KDM3B: variants seen among roughly 807,000 people sequenced by gnomAD.
KDM3B encodes the protein lysine demethylase 3B, also known as lysine-specific demethylase 3B.
A neutral mutation model predicts 170.0 loss-of-function variants in KDM3B; 10 were observed. The ratio of observed to expected loss-of-function variants is 0.06; its 90% confidence interval spans 0.04 to 0.10. KDM3B has a LOEUF of 0.10. Among genes scored for constraint, KDM3B ranks in the 10% least tolerant of loss-of-function variants. The pLI is 1.00. For synonymous variants in KDM3B, 831 were observed against 834.8 expected (o/e 1.00, Z 0.08); for missense variants, 1,394 against 2,195.2 (o/e 0.64, Z 7.29).
chr5:138,379,796 T>C, intron 5 of KDM3B, 88 bp downstream of exon 5: 4 of 1,316,550 alleles, frequency 3.0e-6, no homozygotes, highest in East Asian at 2.5e-5. Context: ...ATGTGTAAGA[T>C]GACTTGGGTT....
chr5:138,431,781 C>T (rs550412993), intron 23 of KDM3B, among the ~76,000 whole-genome samples: 14 of 151,754 alleles, frequency 9.2e-5, no homozygotes, highest in African/African-American at 2.7e-4. Context: ...GGCATGATGG[C>T]GCATGCCTGT....
At chr5:138,373,989 CTTTTGTT>C (rs1451255278) in intron 2 of KDM3B, among the ~76,000 whole-genome samples, 3 of 151,716 alleles carry the variant, frequency 2.0e-5, no homozygotes, top group Non-Finnish European at 4.4e-5. Flanking sequence ...TTCTTTTTGT[CTTTTGTT>C]TTTTGTTTTT....
rs777571571 is a variant in KDM3B, at chr5:138,431,594, C to G, written c.5205+35C>G. 6 of 1,553,604 alleles carry G rather than the reference C, an allele frequency of 3.9e-6. No homozygotes were observed. In the South Asian group the frequency reaches 6.1e-5, roughly 16 times the overall value. On this transcript the variant is annotated intron_variant, in intron 23 of 23. Coordinates refer to ENST00000314358, the MANE Select transcript of KDM3B (RefSeq NM_016604.4). ...TCCTCCCTCTACCCCACTCTGTCTTCTCATTGCATACTCACATACATTACG... is the reference window on the plus strand; with the variant it reads ...TCCTCCCTCTACCCCACTCTGTCTTGTCATTGCATACTCACATACATTACG...
chr5:138,408,939 A>C (rs1434195256), intron 11 of KDM3B, among the ~76,000 whole-genome samples: 1 of 152,212 alleles, frequency 6.6e-6, no homozygotes, highest in East Asian at 1.9e-4. Flanking sequence ...GCCATAATAC[A>C]TAAACAGATA....
chr5:138,421,175 C>T (rs903954968), intron 15 of KDM3B, among the ~76,000 whole-genome samples: 8 of 152,166 alleles, frequency 5.3e-5, no homozygotes, highest in African/African-American at 9.6e-5. Flanking sequence ...TGAAATGTTT[C>T]GGTCATCAGC....
At chr5:138,386,857 CCTAATTTAAAGA>C (rs1762276752) in intron 7 of KDM3B, among the ~76,000 whole-genome samples, 1 of 152,130 alleles carries the variant, frequency 6.6e-6, no homozygotes, top group Non-Finnish European at 1.5e-5. Flanking sequence ...GATGATACAA[CCTAATTTAAAGA>C]CATGTTAAAG....
chr5:138,390,020 C>T (rs533836470), intron 7 of KDM3B, among the ~76,000 whole-genome samples: 111 of 151,966 alleles, frequency 7.3e-4, no homozygotes, highest in Non-Finnish European at 1.3e-3. Context: ...CCACCATGCC[C>T]GGCTCATTTT....
chr5:138,356,032 G>A (rs757202539), intron 1 of KDM3B, among the ~76,000 whole-genome samples: 7 of 151,886 alleles, frequency 4.6e-5, no homozygotes, highest in Non-Finnish European at 8.8e-5. Context: ...GTATACCATG[G>A]GGATCAATAC....
At chr5:138,412,432 T>C (rs537504818) in intron 11 of KDM3B, among the ~76,000 whole-genome samples, 1 of 151,992 alleles carries the variant, frequency 6.6e-6, no homozygotes, top group South Asian at 2.1e-4. Flanking sequence ...GGCAGTGGGA[T>C]TGCTTGAGCC....
At chr5:138,429,138 G>A (rs1157806214) in intron 20 of KDM3B, among the ~76,000 whole-genome samples, 5 of 150,884 alleles carry the variant, frequency 3.3e-5, no homozygotes, top group African/African-American at 1.2e-4. Flanking sequence ...TGCAACTTCC[G>A]CCTCCTGGGT....
chr5:138,374,171 T>C (rs1009556852), intron 2 of KDM3B: 9 of 299,610 alleles, frequency 3.0e-5, no homozygotes, highest in Non-Finnish European at 5.5e-5. Flanking sequence ...TTTTTGTATT[T>C]TTAGTAGAGA....
intron 13 of KDM3B, 111 bp downstream of exon 13, chr5:138,417,721 C>T: frequency 8.8e-7 from 1 of 1,135,920 alleles, no homozygotes; most frequent in South Asian, 1.5e-5. Context: ...CCTGAGGAAT[C>T]AGGAGATGGA....
chr5:138,413,362 G>A (rs542902868), intron 11 of KDM3B, among the ~76,000 whole-genome samples: 7 of 149,742 alleles, frequency 4.7e-5, no homozygotes, highest in East Asian at 2.0e-4. Context: ...CAGCCTGGGC[G>A]ACAAAGCGAG....
chr5:138,388,122 AGTGT>A (rs1762329981), intron 7 of KDM3B, among the ~76,000 whole-genome samples: 1 of 152,126 alleles, frequency 6.6e-6, no homozygotes, highest in South Asian at 2.1e-4. Flanking sequence ...TGTCAAAGGC[AGTGT>A]GAATGTAAAT....
At chr5:138,366,039 A>G (rs1023602961) in intron 1 of KDM3B, among the ~76,000 whole-genome samples, 1 of 152,010 alleles carries the variant, frequency 6.6e-6, no homozygotes, top group Non-Finnish European at 1.5e-5. Flanking sequence ...GGAAACATCT[A>G]CTGATGAGGC....
At chr5:138,418,073 T>TA (rs1763148993) in intron 13 of KDM3B, 2 of 133,902 alleles carry the variant, frequency 1.5e-5, no homozygotes, top group Admixed American at 1.7e-4. Flanking sequence ...GTTTTGGTTT[T>TA]GGTTTTTTTT....
At chr5:138,425,656 G>C (rs1763374226) in intron 17 of KDM3B, 74 bp downstream of exon 17, 1 of 1,278,582 alleles carries the variant, frequency 7.8e-7, no homozygotes, top group African/African-American at 1.5e-5. Context: ...CTCTGCCCTT[G>C]AATAATAAAT....
intron 15 of KDM3B, among the ~76,000 whole-genome samples, chr5:138,422,192 G>GTTTTCACAGC (rs1763289208): frequency 6.6e-6 from 1 of 151,890 alleles, no homozygotes; most frequent in Non-Finnish European, 1.5e-5. Context: ...ATTACCATCT[G>GTTTTCACAGC]ACCTATTACA....
At chr5:138,372,122 A>G (rs1404572173) in intron 1 of KDM3B, among the ~76,000 whole-genome samples, 2 of 152,214 alleles carry the variant, frequency 1.3e-5, no homozygotes, top group East Asian at 3.8e-4. Context: ...CAATCGATCA[A>G]TCAGTCAATA....
Sources: allele counts gnomAD v4.1 joint callset (sites outside exome capture counted in the v4.1 genomes callset), GRCh38; gene constraint gnomAD v4.1.1; transcripts MANE v1.5; gene names NCBI Gene and HGNC (gene_info 2026-07-23, HGNC 2026-07-21).